The following OGT variants were observed in gnomAD, a reference collection of about 807,000 sequenced individuals.
OGT encodes the protein O-linked N-acetylglucosamine (GlcNAc) transferase, also known as UDP-N-acetylglucosamine--peptide N-acetylglucosaminyltransferase 110 kDa subunit.
OGT carries 3 observed loss-of-function variants against 75.8 expected under a neutral mutation model. That is an observed-to-expected ratio of 0.04 (90% CI 0.02 to 0.10). OGT has a LOEUF of 0.10. Ranked by LOEUF, OGT falls within the 10% of genes least tolerant of loss-of-function variation. The pLI is 1.00. For missense variants in OGT, 260 were observed against 824.4 expected (o/e 0.32, Z 8.38); for synonymous variants, 257 against 289.7 (o/e 0.89, Z 1.15).
chrX:71,564,422 C>T (rs777388966), intron 18 of OGT, among the ~76,000 whole-genome samples, 179 bp from the exon 19 acceptor site: 2 of 112,182 alleles, frequency 1.8e-5, no homozygotes, highest in Non-Finnish European at 3.8e-5. Context: ...TTTCATAGTG[C>T]AGTCTCCCCC....
chrX:71,533,188 G>C lies in OGT; in HGVS notation c.-112G>C, dbSNP rs2040146326. 1.3e-6 allele frequency: 1 copy of C among 762,039 alleles called. No individual in the cohort carries two copies. Among genetic ancestry groups the C allele is most frequent in the South Asian group, 2.3e-5 (1 of 43,521 alleles). 62.8% of individuals were successfully genotyped at this position (762,039 alleles called of 1,213,427 possible). A position where few individuals can be genotyped will look rare whatever the true frequency, so the allele number is the denominator to read the frequency against. ...CTGCTGCCGCCGCTCAAGCCCTCCA[G>C]AGCATTGCTACGGCTGCTGCCCTTG... On this transcript the variant is annotated 5_prime_UTR_variant, in exon 1 of 22. Transcript: ENST00000373719.
intron 4 of OGT, chrX:71,546,528 T>C: frequency 1.3e-6 from 1 of 754,504 alleles, no homozygotes; most frequent in Non-Finnish European, 1.6e-6. Flanking sequence ...ACAATTTGCC[T>C]CCATGCCTGA....
intron 3 of OGT, among the ~76,000 whole-genome samples, chrX:71,543,752 GTGTGTGTGTGTGTGTATATA>G (rs1429584588): frequency 1.6e-5 from 1 of 64,081 alleles, no homozygotes; most frequent in African/African-American, 1.1e-4. Context: ...GTGTGTGTGT[GTGTGTGTGTGTGTGTATATA>G]TATATATATA....
At chrX:71,566,401 A>T (rs1023318862) in intron 19 of OGT, among the ~76,000 whole-genome samples, 1 of 111,782 alleles carries the variant, frequency 8.9e-6, no homozygotes, top group Non-Finnish European at 1.9e-5. Flanking sequence ...CCGCGTGGCT[A>T]TGGAGGCCTC....
intron 19 of OGT, among the ~76,000 whole-genome samples, chrX:71,565,627 A>T (rs2040411800): frequency 8.9e-6 from 1 of 112,191 alleles, no homozygotes; most frequent in Non-Finnish European, 1.9e-5. Context: ...TTTTAAATTT[A>T]CATATTCAAA....
intron 6 of OGT, among the ~76,000 whole-genome samples, 181 bp downstream of exon 6, chrX:71,554,773 G>A (rs1430768042): frequency 8.9e-6 from 1 of 112,239 alleles, no homozygotes; most frequent in African/African-American, 3.2e-5. Context: ...CTGACTTTTT[G>A]TTGTTGGCTT....
Position 71,575,598 on chromosome X carries a change from G to A in OGT, c.*1804G>A, listed in dbSNP as rs2040491150. ...ATAATATACTTCCAATGCCCTCAAG[G>A]CTGTGACCTTACAGCCATTTTACAT... is the stretch of plus-strand genomic sequence containing the variant. On this transcript the variant is annotated 3_prime_UTR_variant, in exon 22 of 22. Coordinates refer to ENST00000373719, the MANE Select transcript of OGT (RefSeq NM_181672.3). 8.9e-6 allele frequency: 1 copy of A among 112,513 alleles called. No homozygotes were observed. The highest frequency in any genetic ancestry group is 3.2e-5 in the African/African-American group (1 of 30,897). 9.3% of individuals were successfully genotyped at this position (112,513 alleles called of 1,213,427 possible). A position where few individuals can be genotyped will look rare whatever the true frequency, so the allele number is the denominator to read the frequency against.
intron 7 of OGT, 69 bp downstream of exon 7, chrX:71,555,454 G>A: frequency 1.0e-6 from 1 of 986,351 alleles, no homozygotes; most frequent in Non-Finnish European, 1.4e-6. Context: ...AGGTGTGGTG[G>A]CTCACACTTG....
In OGT at chrX:71,538,051, C is replaced by G; in HGVS notation, c.441C>G (p.Val147=). 1.7e-6 allele frequency: 2 copies of G among 1,211,378 alleles called. No individual in the cohort carries two copies. Among genetic ancestry groups the G allele is most frequent in the East Asian group, 3.0e-5 (1 of 33,860 alleles). ...TGGAAGGGGCAGTACAAGCTTACGT[C>G]TCTGCTCTTCAGTACAATCCTGTGA... ...GDMEGAVQAY[V]SALQYNPDLY... Residue 147 remains valine (V), a synonymous_variant, in exon 3 of 22, where the codon GTC becomes GTG. Coordinates refer to ENST00000373719, the MANE Select transcript of OGT (RefSeq NM_181672.3).
chrX:71,568,262 G>A (rs1447960588), intron 21 of OGT, 146 bp downstream of exon 21: 2 of 403,801 alleles, frequency 5.0e-6, no homozygotes, highest in Non-Finnish European at 7.9e-6. Flanking sequence ...TAAACTCTTA[G>A]AAATGAAGTG....
chrX:71,547,289 C>A (rs1297464483), intron 4 of OGT: 4 of 746,836 alleles, frequency 5.4e-6, no homozygotes, highest in Non-Finnish European at 6.3e-6. Flanking sequence ...TGAAGAGCAG[C>A]ATTTCCCAAA....
chrX:71,574,097 T>C lies in OGT; in HGVS notation c.*303T>C, dbSNP rs764406071. 6.9e-4 allele frequency: 112 copies of C among 163,066 alleles called. No homozygotes were observed. The highest frequency in any genetic ancestry group is 3.1e-3 in the African/African-American group (102 of 32,719). 13.4% of individuals were successfully genotyped at this position (163,066 alleles called of 1,213,427 possible). A position where few individuals can be genotyped will look rare whatever the true frequency, so the allele number is the denominator to read the frequency against. ...GGATGGTTAGTGTGGAGGGGAGATATAGATTGTCCGGCCGCTTTGTGATTC... is the reference window on the plus strand; with the variant it reads ...GGATGGTTAGTGTGGAGGGGAGATACAGATTGTCCGGCCGCTTTGTGATTC... On this transcript the variant is annotated 3_prime_UTR_variant, in exon 22 of 22. Transcript: ENST00000373719.
At chrX:71,566,811 T>C (rs973250504) in intron 19 of OGT, among the ~76,000 whole-genome samples, 1 of 112,804 alleles carries the variant, frequency 8.9e-6, no homozygotes, top group Non-Finnish European at 1.9e-5. Context: ...ACAGTACTAC[T>C]TTTTTAAAAT....
rs2040479976 is a variant in OGT at position 71,574,439 on chromosome X, A to G, written c.*645A>G. 9.1e-6 allele frequency: 1 copy of G among 110,281 alleles called. No individual in the cohort carries two copies. Among genetic ancestry groups the G allele is most frequent in the South Asian group, 3.8e-4 (1 of 2,607 alleles). 9.1% of individuals were successfully genotyped at this position (110,281 alleles called of 1,213,427 possible). A position where few individuals can be genotyped will look rare whatever the true frequency, so the allele number is the denominator to read the frequency against. On this transcript the variant is annotated 3_prime_UTR_variant, in exon 22 of 22. Coordinates refer to ENST00000373719, the MANE Select transcript of OGT (RefSeq NM_181672.3). The stretch of plus-strand genomic sequence containing the variant: ...GATGACTCAAGATTTTTTCTGGTCC[A>G]TTTCCCATTTCCTTTTCTTCCCTGA...
chrX:71,533,459 G>A, intron 1 of OGT, 123 bp downstream of exon 1: 1 of 643,178 alleles, frequency 1.6e-6, no homozygotes, highest in Non-Finnish European at 2.5e-6. Context: ...ACATTGCTAA[G>A]CTTTTCGTGG....
rs777300205 is a variant in OGT, at chrX:71,541,520, A to G, written c.463-3047A>G. ...TGACCCGTAAAGGAAAAAATGGTGT[A>G]AGTTCCTTGGATGATAATTGTTGGA... On this transcript the variant is annotated intron_variant, in intron 3 of 21. Transcript: ENST00000373719. Among the ~76,000 whole-genome samples, 6 of 111,561 alleles carry G rather than the reference A, an allele frequency of 5.4e-5. No homozygotes were observed. In the East Asian group the frequency reaches 1.4e-3, roughly 26 times the overall value.
intron 14 of OGT, among the ~76,000 whole-genome samples, chrX:71,560,378 G>A (rs1192042184): frequency 1.8e-5 from 2 of 108,730 alleles, no homozygotes; most frequent in Non-Finnish European, 3.8e-5. Context: ...TTCTATTGTT[G>A]TATCCTCTAG....
intron 6 of OGT, 105 bp downstream of exon 6, chrX:71,554,697 T>A: frequency 1.7e-6 from 1 of 591,329 alleles, no homozygotes; most frequent in Non-Finnish European, 2.8e-6. Flanking sequence ...CATATTTGCC[T>A]TTTCTAGCAC....
chrX:71,556,246 T>C (rs2040342720), intron 8 of OGT, 152 bp downstream of exon 8: 2 of 567,741 alleles, frequency 3.5e-6, no homozygotes, highest in Non-Finnish European at 5.5e-6. Context: ...TAAGGTATGA[T>C]GTGAGGCCCT....
Sources: allele counts gnomAD v4.1 joint callset (sites outside exome capture counted in the v4.1 genomes callset), GRCh38; gene constraint gnomAD v4.1.1; transcripts MANE v1.5; gene names NCBI Gene and HGNC (gene_info 2026-07-23, HGNC 2026-07-21).